The following PUM2 variants were observed in gnomAD, a reference collection of about 807,000 sequenced individuals.
PUM2 encodes pumilio homolog 2.
Under a neutral mutation model 124.5 loss-of-function variants are expected in PUM2, and 57 were observed. The ratio of observed to expected loss-of-function variants is 0.46; its 90% CI spans 0.37 to 0.57. The LOEUF (loss-of-function observed/expected upper bound fraction) is 0.57, where lower values mean the gene tolerates loss of function less well. PUM2 is among the 20% of genes least tolerant of loss of function. PUM2 has a pLI of 0.00. For synonymous variants in PUM2, 460 were observed against 446.1 expected (o/e 1.03, Z -0.39); for missense variants, 1,065 against 1,290.6 (o/e 0.83, Z 2.68).
chr2:20,284,569 C>G (rs1672299425), intron 10 of PUM2, among the ~76,000 whole-genome samples: 1 of 152,002 alleles, frequency 6.6e-6, no homozygotes. Flanking sequence ...TGTTGCCTAG[C>G]CTAGTCTTTA....
At chr2:20,338,826 G>A (rs1686647676) in intron 1 of PUM2, among the ~76,000 whole-genome samples, 1 of 152,208 alleles carries the variant, frequency 6.6e-6, no homozygotes, top group Non-Finnish European at 1.5e-5. Context: ...TGTAAAAACA[G>A]GATGCAAGCA....
Position 20,248,845 on chromosome 2 carries a change from T to TA in PUM2, c.*2739dup, listed in dbSNP as rs1469524148. 6.6e-6 allele frequency: 1 copy of TA among 152,668 alleles called. No individual in the cohort carries two copies. Among genetic ancestry groups the TA allele is most frequent in the Non-Finnish European group, 1.5e-5 (1 of 68,050 alleles). 9.5% of individuals were successfully genotyped at this position (152,668 alleles called of 1,614,324 possible). On this transcript the variant is annotated 3_prime_UTR_variant, in exon 21 of 21. Coordinates refer to ENST00000361078, the MANE Select transcript of PUM2 (RefSeq NM_015317.5). ...ATATGAACCAATAAGAGCCAGGACT[T>TA]AGACAAACTGGTCCAGAAACAATCC...
chr2:20,348,924 T>G (rs943488266), intron 1 of PUM2, among the ~76,000 whole-genome samples: 2 of 152,238 alleles, frequency 1.3e-5, no homozygotes, highest in Non-Finnish European at 2.9e-5. Context: ...AACCAGACCC[T>G]GTCTCAAACA....
intron 3 of PUM2, among the ~76,000 whole-genome samples, chr2:20,314,050 G>A (rs763837853): frequency 4.6e-5 from 7 of 152,040 alleles, no homozygotes; most frequent in Admixed American, 2.0e-4. Context: ...GGTTGATGAG[G>A]TGGAAGGATC....
chr2:20,318,730 G>A (rs113504663), intron 2 of PUM2, 85 bp from the exon 3 acceptor site: 2 of 850,418 alleles, frequency 2.4e-6, no homozygotes. Flanking sequence ...TCACTGCTAT[G>A]TATACATTAG....
At chr2:20,272,633 C>T (rs1669305388) in intron 13 of PUM2, among the ~76,000 whole-genome samples, 1 of 152,186 alleles carries the variant, frequency 6.6e-6, no homozygotes, top group Admixed American at 6.5e-5. Context: ...TCAAAACTGT[C>T]TTCACTACTT....
chr2:20,329,895 C>T (rs546938888), intron 1 of PUM2, among the ~76,000 whole-genome samples: 5 of 151,964 alleles, frequency 3.3e-5, no homozygotes, highest in Admixed American at 2.6e-4. Flanking sequence ...CAGGAATGAA[C>T]AGGATGGTAA....
chr2:20,338,863 G>C (rs764131817), intron 1 of PUM2, among the ~76,000 whole-genome samples: 9 of 152,070 alleles, frequency 5.9e-5, no homozygotes, highest in Non-Finnish European at 1.0e-4. Context: ...ATTAATAGTG[G>C]TCGCACCTAG....
At chr2:20,289,915 A>G (rs1673609694) in intron 10 of PUM2, among the ~76,000 whole-genome samples, 1 of 152,216 alleles carries the variant, frequency 6.6e-6, no homozygotes, top group African/African-American at 2.4e-5. Flanking sequence ...AAAAGTGAAA[A>G]AAAGCATACT....
chr2:20,318,723 C>G, intron 2 of PUM2, 78 bp from the exon 3 acceptor site: 1 of 993,610 alleles, frequency 1.0e-6, no homozygotes, highest in Non-Finnish European at 1.5e-6. Context: ...AAACATATCA[C>G]TGCTATGTAT....
chr2:20,333,580 C>G (rs1685367780), intron 1 of PUM2, among the ~76,000 whole-genome samples: 2 of 151,970 alleles, frequency 1.3e-5, no homozygotes, highest in Non-Finnish European at 2.9e-5. Context: ...TGTAAAGAAG[C>G]AAGAAAATGC....
At chr2:20,296,234 G>A (rs1483229954) in intron 8 of PUM2, among the ~76,000 whole-genome samples, 1 of 152,160 alleles carries the variant, frequency 6.6e-6, no homozygotes, top group African/African-American at 2.4e-5. Context: ...GGTGGCTCAC[G>A]CCTGTAATCC....
chr2:20,322,194 A>G (rs894977849), intron 2 of PUM2, among the ~76,000 whole-genome samples: 4 of 152,176 alleles, frequency 2.6e-5, no homozygotes, highest in African/African-American at 7.2e-5. Context: ...ATTAATAATC[A>G]TGCCATGAGA....
intron 13 of PUM2, among the ~76,000 whole-genome samples, chr2:20,272,171 G>GAATGAATC (rs1669191988): frequency 6.6e-6 from 1 of 151,326 alleles, no homozygotes; most frequent in African/African-American, 2.4e-5. Flanking sequence ...ATGAATGAAT[G>GAATGAATC]AATGAATGAA....
At chr2:20,304,584 C>T (rs1677774986) in intron 7 of PUM2, among the ~76,000 whole-genome samples, 1 of 152,138 alleles carries the variant, frequency 6.6e-6, no homozygotes, top group South Asian at 2.1e-4. Context: ...GTGGAGTGGT[C>T]GTGACCAAAC....
At position 20,249,143 on chromosome 2, in the gene PUM2, TGTA is replaced by T. The variant is rs1318952684; in HGVS notation, c.*2439_*2441del. On this transcript the variant is annotated 3_prime_UTR_variant, in exon 21 of 21. Coordinates refer to ENST00000361078, the MANE Select transcript of PUM2 (RefSeq NM_015317.5). ...CCAAGAAGAGGGTTTAGTTTCTCAATGTAGTATTCTCTACTTGTCATTTTCTAA... is the reference window on the plus strand; with the variant it reads ...CCAAGAAGAGGGTTTAGTTTCTCAATGTATTCTCTACTTGTCATTTTCTAA... 6.6e-6 allele frequency: 1 copy of T among 152,220 alleles called. No homozygotes were observed. Among genetic ancestry groups the T allele is most frequent in the Non-Finnish European group, 1.5e-5 (1 of 68,052 alleles). 9.4% of individuals were successfully genotyped at this position (152,220 alleles called of 1,614,324 possible). A position where few individuals can be genotyped will look rare whatever the true frequency, so the allele number is the denominator to read the frequency against.
intron 7 of PUM2, among the ~76,000 whole-genome samples, chr2:20,307,195 G>C (rs971376711): frequency 6.6e-6 from 1 of 152,054 alleles, no homozygotes; most frequent in African/African-American, 2.4e-5. Context: ...CAGCCTGGGT[G>C]AGAGTGAGAC....
At chr2:20,255,429 T>C in intron 17 of PUM2, 88 bp from the exon 18 acceptor site, 1 of 1,092,464 alleles carries the variant, frequency 9.2e-7, no homozygotes, top group East Asian at 2.6e-5. Context: ...TTTTTTTTTT[T>C]GACAACACCT....
chr2:20,253,862 T>C lies in PUM2; in HGVS notation c.3023A>G (p.Asp1008Gly), dbSNP rs746633312. 1.9e-6 allele frequency: 3 copies of C among 1,613,822 alleles called. No individual in the cohort carries two copies. The highest frequency in any genetic ancestry group is 2.2e-5 in the South Asian group (2 of 91,072). ...CTTTCTCTGAGCAGGTTCAGCCATA[T>C]CAATCATCTTTTGAACCACGTAATT... ...YANYVVQKMI[D>G]MAEPAQRKII... The change falls in exon 20 of 21, where the codon GAT becomes GGT. Residue 1008 changes from aspartate to glycine, a missense_variant. Transcript: ENST00000361078.
Sources: gnomAD v4.1 joint callset for allele counts (sites outside exome capture counted in the v4.1 genomes callset) on GRCh38, gnomAD v4.1.1 for gene constraint, MANE v1.5 for transcripts, NCBI Gene and HGNC (gene_info 2026-07-23, HGNC 2026-07-21) for gene names.